Variants in VAPA observed in about 807,000 individuals in gnomAD.
VAPA encodes VAMP associated protein A.
A neutral mutation model predicts 25.6 loss-of-function variants in VAPA; 6 were observed. That is an observed-to-expected ratio of 0.23 (90% CI 0.13 to 0.46). The LOEUF is 0.46. Among genes scored for constraint, VAPA ranks in the 20% least tolerant of loss-of-function variants. The pLI, the probability that VAPA is intolerant of heterozygous loss-of-function variation, is 0.99. For synonymous variants in VAPA, 112 were observed against 106.2 expected, an observed-to-expected ratio of 1.05 and a Z score of -0.34; for missense variants, 244 against 302.1, an observed-to-expected ratio of 0.81 and a Z score of 1.43.
chr18:9,946,068 G>A (rs2069420060), intron 4 of VAPA, among the ~76,000 whole-genome samples: 1 of 151,942 alleles, frequency 6.6e-6, no homozygotes, highest in Admixed American at 6.6e-5. Context: ...ACTTTTTCTT[G>A]TATTTCCAAT....
Position 9,956,007 on chromosome 18 carries a change from ATAT to A in VAPA, c.*1801_*1803del, listed in dbSNP as rs2069546222. On this transcript the variant is annotated 3_prime_UTR_variant, in exon 6 of 6. Transcript: ENST00000400000. ...TTGGCTTAAAGCTCTTATATAATCA[ATAT>A]TATTGGTGGTAAATACCAAGTTTGG... 1 of 152,166 alleles carries A rather than the reference ATAT, an allele frequency of 6.6e-6. No individual in the cohort carries two copies. The highest frequency in any genetic ancestry group is 2.4e-5 in the African/African-American group (1 of 41,434). 9.4% of individuals were successfully genotyped at this position (152,166 alleles called of 1,614,324 possible).
In VAPA at chr18:9,955,403, G is replaced by A. The variant is rs765266171; in HGVS notation, c.*1192G>A. 8.5e-5 allele frequency: 13 copies of A among 152,110 alleles called. No individual in the cohort carries two copies. Among genetic ancestry groups the A allele is most frequent in the Non-Finnish European group, 1.3e-4 (9 of 68,010 alleles). The allele number at this position is 152,110 out of a possible 1,614,324, so 9.4% of individuals were successfully genotyped here. The stretch of plus-strand genomic sequence containing the variant: ...AAACACATTTTCAGTATAAGTATGC[G>A]TTACAGGGTTTGATACTTTCCTGCA... On this transcript the variant is annotated 3_prime_UTR_variant, in exon 6 of 6. Coordinates refer to ENST00000400000, the MANE Select transcript of VAPA (RefSeq NM_194434.3).
At chr18:9,918,003 A>ATT (rs538453951) in intron 1 of VAPA, among the ~76,000 whole-genome samples, 12 of 148,920 alleles carry the variant, frequency 8.1e-5, no homozygotes, top group African/African-American at 2.2e-4. Context: ...TAAAAGTCAG[A>ATT]TTTTTTTTTT....
Position 9,954,745 on chromosome 18 carries a change from CTGAG to C in VAPA, c.*536_*539del, listed in dbSNP as rs1385445665. 1 of 152,548 alleles carries C rather than the reference CTGAG, an allele frequency of 6.6e-6. No individual in the cohort carries two copies. The highest frequency in any genetic ancestry group is 2.4e-5 in the African/African-American group (1 of 41,404). 9.4% of individuals were successfully genotyped at this position (152,548 alleles called of 1,614,324 possible). A position where few individuals can be genotyped will look rare whatever the true frequency, so the allele number is the denominator to read the frequency against. ...TTATCCCTTGTGAGGCAGTTGTTGACTGAGTTTTTCATCCTTACAATCCTGTCCC... is the reference window on the plus strand; with the variant it reads ...TTATCCCTTGTGAGGCAGTTGTTGACTTTTTCATCCTTACAATCCTGTCCC... On this transcript the variant is annotated 3_prime_UTR_variant, in exon 6 of 6. Transcript: ENST00000400000.
At chr18:9,934,890 C>G (rs559342688) in intron 2 of VAPA, among the ~76,000 whole-genome samples, 1 of 151,590 alleles carries the variant, frequency 6.6e-6, no homozygotes, top group African/African-American at 2.4e-5. Context: ...GTCAGGAGAT[C>G]GAGACCATCC....
At chr18:9,923,810 G>C (rs1248639605) in intron 1 of VAPA, 1 of 152,162 alleles carries the variant, frequency 6.6e-6, no homozygotes, top group Non-Finnish European at 1.5e-5. Flanking sequence ...TTACAAGTAA[G>C]AGGATTTATA....
chr18:9,932,510 G>A (rs561579496), intron 2 of VAPA, among the ~76,000 whole-genome samples: 7 of 152,196 alleles, frequency 4.6e-5, no homozygotes, highest in Non-Finnish European at 1.0e-4. Context: ...TGCCATATAT[G>A]GATTACTTAC....
At chr18:9,953,719 A>T (rs1202841112) in intron 5 of VAPA, among the ~76,000 whole-genome samples, 1 of 152,200 alleles carries the variant, frequency 6.6e-6, no homozygotes, top group Non-Finnish European at 1.5e-5. Flanking sequence ...AGGTAAATAT[A>T]GCCTATCTAA....
chr18:9,948,930 A>G (rs29123), intron 4 of VAPA: 1 of 152,154 alleles, frequency 6.6e-6, no homozygotes, highest in Non-Finnish European at 1.5e-5. Context: ...ATTTTTAACC[A>G]AAACCTGAAA....
intron 1 of VAPA, among the ~76,000 whole-genome samples, chr18:9,917,293 TAGC>T (rs1191595571): frequency 1.3e-5 from 2 of 152,216 alleles, no homozygotes; most frequent in Non-Finnish European, 2.9e-5. Flanking sequence ...TTCTACCTAT[TAGC>T]AGTTTTTTTA....
In VAPA at chr18:9,944,004, G is replaced by C. The variant is rs191526151; in HGVS notation, c.418-6391G>C. On this transcript the variant is annotated intron_variant, in intron 4 of 5. Coordinates refer to ENST00000400000, the MANE Select transcript of VAPA (RefSeq NM_194434.3). Reference sequence around the variant, plus strand: ...GCCTCTCCGAGTAGCTGGGACTACAGGTGCCCGCCACCACGCCTGGCTAAT... The same window carrying C: ...GCCTCTCCGAGTAGCTGGGACTACACGTGCCCGCCACCACGCCTGGCTAAT... Among the ~76,000 whole-genome samples the C allele has an allele frequency of 1.6e-3, 237 of 151,678 alleles. 1 individual carries two copies. The highest frequency in any genetic ancestry group is 0.01 in the Middle Eastern group (3 of 294).
chr18:9,957,648 C>G lies in VAPA; in HGVS notation c.*3437C>G, dbSNP rs560177203. 2.6e-5 allele frequency: 4 copies of G among 152,278 alleles called. No individual in the cohort carries two copies. The East Asian group carries it at 7.7e-4, about 29-fold the overall frequency. The allele number at this position is 152,278 out of a possible 1,614,324, so 9.4% of individuals were successfully genotyped here. A position where few individuals can be genotyped will look rare whatever the true frequency, so the allele number is the denominator to read the frequency against. ...AAGGTAAATGATCTTTATTTTCTAGCTTTAAAGGGAAATTAAACCATTCAT... is the reference window on the plus strand; with the variant it reads ...AAGGTAAATGATCTTTATTTTCTAGGTTTAAAGGGAAATTAAACCATTCAT... On this transcript the variant is annotated 3_prime_UTR_variant, in exon 6 of 6. Transcript: ENST00000400000.
chr18:9,940,043 A>T (rs1567898331), intron 4 of VAPA, among the ~76,000 whole-genome samples: 1 of 152,246 alleles, frequency 6.6e-6, no homozygotes, highest in Non-Finnish European at 1.5e-5. Flanking sequence ...TTAAAAAGGC[A>T]GAACAAATGC....
chr18:9,920,766 A>G (rs908680221), intron 1 of VAPA, among the ~76,000 whole-genome samples: 27 of 152,242 alleles, frequency 1.8e-4, no homozygotes, highest in African/African-American at 3.6e-4. Context: ...CTCAGTGTCT[A>G]TTCTTTTTCT....
chr18:9,922,207 C>T lies in VAPA; in HGVS notation c.79+7872C>T, dbSNP rs553025655. 2.6e-4 allele frequency among the ~76,000 whole-genome samples: 40 copies of T among 152,174 alleles called. No homozygotes were observed. In the South Asian group the frequency reaches 7.5e-3, roughly 28 times the overall value. On this transcript the variant is annotated intron_variant, in intron 1 of 5. Coordinates refer to ENST00000400000, the MANE Select transcript of VAPA (RefSeq NM_194434.3). The stretch of plus-strand genomic sequence containing the variant: ...CAGATCTTGAACTCCTGGCCTCAAG[C>T]GATCCTCCTGCCTCAGCCTCCCAAA...
At position 9,955,250 on chromosome 18, in the gene VAPA, G is replaced by C. The variant is rs953763319; in HGVS notation, c.*1039G>C. 6.6e-6 allele frequency: 1 copy of C among 152,184 alleles called. No homozygotes were observed. Among genetic ancestry groups the C allele is most frequent in the African/African-American group, 2.4e-5 (1 of 41,514 alleles). 9.4% of individuals were successfully genotyped at this position (152,184 alleles called of 1,614,324 possible). On this transcript the variant is annotated 3_prime_UTR_variant, in exon 6 of 6. Transcript: ENST00000400000. ...TAATATTTCATAATAGTTAAAAGTA[G>C]GTGTTTTTTTCGTGCTCAATTTGGC...
intron 4 of VAPA, among the ~76,000 whole-genome samples, chr18:9,947,167 C>T (rs1450314780): frequency 6.6e-6 from 1 of 151,914 alleles, no homozygotes; most frequent in African/African-American, 2.4e-5. Context: ...TTAGAGTGTC[C>T]TTTTTGTTTT....
intron 1 of VAPA, among the ~76,000 whole-genome samples, chr18:9,917,649 T>C (rs2069122858): frequency 6.6e-6 from 1 of 152,334 alleles, no homozygotes; most frequent in East Asian, 1.9e-4. Context: ...ATTTCAAATA[T>C]ATTCTTAATG....
intron 4 of VAPA, among the ~76,000 whole-genome samples, chr18:9,946,650 A>G (rs970846292): frequency 1.1e-4 from 17 of 152,034 alleles, no homozygotes; most frequent in African/African-American, 3.6e-4. Flanking sequence ...GTATACTTGC[A>G]TAGGGCACTT....
Sources: gnomAD v4.1 joint callset for allele counts (sites outside exome capture counted in the v4.1 genomes callset) on GRCh38, gnomAD v4.1.1 for gene constraint, MANE v1.5 for transcripts, NCBI Gene and HGNC (gene_info 2026-07-23, HGNC 2026-07-21) for gene names.